Variants in SPOCK1 observed in about 807,000 individuals in gnomAD.
The protein encoded by SPOCK1 is testican-1.
SPOCK1 carries 23 observed loss-of-function variants against 55.3 expected under a neutral mutation model. The ratio of observed to expected loss-of-function variants is 0.42; its 90% CI spans 0.30 to 0.59. The LOEUF is 0.59. Ranked by LOEUF, SPOCK1 falls within the 20% of genes least tolerant of loss-of-function variation. The pLI is 0.22. For synonymous variants in SPOCK1, 226 were observed against 221.0 expected (o/e 1.02, Z -0.20); for missense variants, 499 against 552.5 (o/e 0.90, Z 0.97).
intron 2 of SPOCK1, among the ~76,000 whole-genome samples, chr5:137,291,193 T>C (rs1045572061): frequency 1.3e-5 from 2 of 152,150 alleles, no homozygotes; most frequent in Non-Finnish European, 2.9e-5. Flanking sequence ...GAAGCATGCA[T>C]GCCAGCCCAG....
intron 2 of SPOCK1, among the ~76,000 whole-genome samples, chr5:137,407,467 A>AG (rs1376858292): frequency 6.6e-6 from 1 of 152,088 alleles, no homozygotes; most frequent in Non-Finnish European, 1.5e-5. Context: ...TGTACCTGAG[A>AG]GGGGGGAGTG....
chr5:137,374,162 C>A (rs1240029718), intron 2 of SPOCK1, among the ~76,000 whole-genome samples: 2 of 152,238 alleles, frequency 1.3e-5, no homozygotes, highest in African/African-American at 4.8e-5. Flanking sequence ...AATAACTAAT[C>A]CTTCCAGCAA....
chr5:137,384,843 G>C (rs1409348909), intron 2 of SPOCK1, among the ~76,000 whole-genome samples: 1 of 151,924 alleles, frequency 6.6e-6, no homozygotes, highest in Admixed American at 6.6e-5. Context: ...CCTAAACCTA[G>C]GATGAAATCA....
At chr5:137,259,447 T>C (rs1009213708) in intron 3 of SPOCK1, among the ~76,000 whole-genome samples, 2 of 151,914 alleles carry the variant, frequency 1.3e-5, no homozygotes, top group East Asian at 1.9e-4. Flanking sequence ...AATGAGAACA[T>C]GTGAACACAG....
chr5:137,022,902 TG>T (rs560018539), intron 6 of SPOCK1, among the ~76,000 whole-genome samples: 93 of 152,340 alleles, frequency 6.1e-4, no homozygotes, highest in Non-Finnish European at 1.1e-3. Flanking sequence ...CAATTGTGTC[TG>T]CAGCTCACAC....
intron 6 of SPOCK1, 77 bp from the exon 7 acceptor site, chr5:136,992,677 A>C: frequency 8.5e-7 from 1 of 1,175,890 alleles, no homozygotes; most frequent in Non-Finnish European, 1.2e-6. Flanking sequence ...TGGCAAAGCC[A>C]CGTTCAAAGC....
At chr5:137,428,839 C>T (rs180932318) in intron 2 of SPOCK1, among the ~76,000 whole-genome samples, 1 of 152,314 alleles carries the variant, frequency 6.6e-6, no homozygotes, top group African/African-American at 2.4e-5. Context: ...CTGAGTTTCT[C>T]TCAAGCCCTT....
chr5:137,188,169 C>T (rs143723896), intron 3 of SPOCK1, among the ~76,000 whole-genome samples: 2 of 152,226 alleles, frequency 1.3e-5, no homozygotes, highest in Non-Finnish European at 2.9e-5. Flanking sequence ...ATCCAAGATC[C>T]CACGTATGTG....
chr5:137,418,112 T>G (rs958652480), intron 2 of SPOCK1, among the ~76,000 whole-genome samples: 2 of 152,340 alleles, frequency 1.3e-5, no homozygotes, highest in Admixed American at 1.3e-4. Flanking sequence ...GCTTCATCCA[T>G]GTCCCTACAA....
At chr5:137,262,761 A>C (rs1208165162) in intron 3 of SPOCK1, among the ~76,000 whole-genome samples, 1 of 152,206 alleles carries the variant, frequency 6.6e-6, no homozygotes, top group Non-Finnish European at 1.5e-5. Flanking sequence ...AGAGCTTCAG[A>C]GCATCACAAC....
intron 2 of SPOCK1, among the ~76,000 whole-genome samples, chr5:137,281,381 C>G (rs1757163104): frequency 6.6e-6 from 1 of 152,248 alleles, no homozygotes; most frequent in Non-Finnish European, 1.5e-5. Flanking sequence ...GGGCCATGAT[C>G]ATGGCTAAAG....
intron 3 of SPOCK1, among the ~76,000 whole-genome samples, chr5:137,149,179 C>A (rs187753433): frequency 1.3e-5 from 2 of 152,108 alleles, no homozygotes; most frequent in African/African-American, 2.4e-5. Flanking sequence ...TGGTTCCTTC[C>A]GTGAGGGGTT....
chr5:137,214,966 T>G (rs1299034380), intron 3 of SPOCK1, among the ~76,000 whole-genome samples: 1 of 152,166 alleles, frequency 6.6e-6, no homozygotes, highest in East Asian at 1.9e-4. Flanking sequence ...CTTAATTGGG[T>G]GCAGACCAAA....
intron 5 of SPOCK1, among the ~76,000 whole-genome samples, chr5:137,090,646 C>G (rs984283407): frequency 5.9e-5 from 9 of 152,136 alleles, no homozygotes; most frequent in African/African-American, 1.7e-4. Flanking sequence ...AGAATTCGGT[C>G]GAGCTTGATT....
chr5:137,447,633 C>T (rs1422273034), intron 2 of SPOCK1, among the ~76,000 whole-genome samples: 2 of 151,866 alleles, frequency 1.3e-5, no homozygotes, highest in South Asian at 2.1e-4. Context: ...ACCCACACCA[C>T]CACCATACCT....
At chr5:137,439,830 T>G (rs1439363212) in intron 2 of SPOCK1, among the ~76,000 whole-genome samples, 1 of 152,152 alleles carries the variant, frequency 6.6e-6, no homozygotes, top group Admixed American at 6.5e-5. Flanking sequence ...CTGAGAAGCC[T>G]AAGAGGAAAG....
chr5:137,190,626 A>G (rs1189289644), intron 3 of SPOCK1, among the ~76,000 whole-genome samples: 1 of 152,148 alleles, frequency 6.6e-6, no homozygotes, highest in Non-Finnish European at 1.5e-5. Flanking sequence ...AACCCACAGT[A>G]TCTCTAAGGT....
chr5:137,325,938 T>G (rs1758068499), intron 2 of SPOCK1, among the ~76,000 whole-genome samples: 1 of 152,176 alleles, frequency 6.6e-6, no homozygotes, highest in Non-Finnish European at 1.5e-5. Context: ...CCCTGAGGCC[T>G]TTTGGTTCTG....
chr5:137,099,862 G>A (rs1580750177), intron 5 of SPOCK1, among the ~76,000 whole-genome samples: 1 of 152,140 alleles, frequency 6.6e-6, no homozygotes. Flanking sequence ...ATTGAAGCAT[G>A]CAGCTGTTAC....
Sources: allele counts gnomAD v4.1 joint callset (sites outside exome capture counted in the v4.1 genomes callset), GRCh38; gene constraint gnomAD v4.1.1; transcripts MANE v1.5; gene names NCBI Gene and HGNC (gene_info 2026-07-23, HGNC 2026-07-21).